The following TASOR variants were observed in gnomAD, a reference collection of about 807,000 sequenced individuals.
The protein encoded by TASOR is protein TASOR.
In TASOR, 53 loss-of-function variants were observed where a neutral mutation model predicts 178.6. The observed-to-expected ratio is 0.30, with a 90% CI of 0.24 to 0.37. The LOEUF (loss-of-function observed/expected upper bound fraction) is 0.37, where lower values mean the gene tolerates loss of function less well. Among genes scored for constraint, TASOR ranks in the 10% least tolerant of loss-of-function variants. The probability of loss-of-function intolerance (pLI) is 1.00; values close to 1 mark genes in which losing one functional copy is unlikely to be tolerated. For missense variants in TASOR, 1,815 were observed against 1,971.4 expected (o/e 0.92, Z 1.50); for synonymous variants, 713 against 696.2 (o/e 1.02, Z -0.38).
chr3:56,626,386 T>C (rs1386964075), intron 21 of TASOR, among the ~76,000 whole-genome samples: 1 of 152,210 alleles, frequency 6.6e-6, no homozygotes, highest in Non-Finnish European at 1.5e-5. Context: ...TTTTATTAGC[T>C]ACCTATAAAG....
At chr3:56,676,927 A>G (rs915008417) in intron 1 of TASOR, among the ~76,000 whole-genome samples, 3 of 152,376 alleles carry the variant, frequency 2.0e-5, no homozygotes, top group Middle Eastern at 6.8e-3. Flanking sequence ...TTAACAATAA[A>G]TATCTGTATC....
rs960381646 is a variant in TASOR, at chr3:56,683,240, C to T, written c.-234G>A. 1.1e-5 allele frequency: 5 copies of T among 441,426 alleles called. No homozygotes were observed. The highest frequency in any genetic ancestry group is 5.6e-5 in the South Asian group (1 of 18,004). The allele number at this position is 441,426 out of a possible 1,614,324, so 27.3% of individuals were successfully genotyped here. On this transcript the variant is annotated 5_prime_UTR_variant, in exon 1 of 24. Transcript: ENST00000683822. ...CTCCTCCCTCGGGCAGTTCTTCTGC[C>T]TTCCCCCGCCACTCAACGTGCGCGC...
chr3:56,649,165 T>A (rs1047958499), intron 11 of TASOR, 108 bp from the exon 12 acceptor site: 25 of 685,424 alleles, frequency 3.6e-5, no homozygotes, highest in Non-Finnish European at 5.2e-5. Flanking sequence ...TTCTTAATCA[T>A]CTTTTAAGAA....
chr3:56,650,215 T>C (rs2077321425), intron 11 of TASOR, among the ~76,000 whole-genome samples: 2 of 152,236 alleles, frequency 1.3e-5, no homozygotes, highest in Non-Finnish European at 2.9e-5. Flanking sequence ...AAATTCCTAC[T>C]AAAACAATTC....
intron 11 of TASOR, among the ~76,000 whole-genome samples, chr3:56,654,403 T>TGGGGGGGGGGGGGGG (rs1559838476): frequency 7.9e-6 from 1 of 127,312 alleles, no homozygotes; most frequent in African/African-American, 2.9e-5. Context: ...TGGGCGGGGT[T>TGGGGGGGGGGGGGGG]GGGGGGTGGT....
intron 18 of TASOR, among the ~76,000 whole-genome samples, chr3:56,632,474 CAAA>C (rs35002030): frequency 2.1e-5 from 3 of 145,452 alleles, no homozygotes; most frequent in African/African-American, 5.0e-5. Context: ...GACTCTGTCT[CAAA>C]AAAAAAAACA....
intron 11 of TASOR, among the ~76,000 whole-genome samples, chr3:56,657,767 C>A (rs75575119): frequency 0.012 from 1,794 of 152,262 alleles, 20 homozygotes; most frequent in Middle Eastern, 0.061. Flanking sequence ...AAACAAATGG[C>A]TCCTGAAGCG....
In TASOR at chr3:56,622,632, T is replaced by G. The variant is rs2076712839; in HGVS notation, c.*405A>C. On this transcript the variant is annotated 3_prime_UTR_variant, in exon 24 of 24. Coordinates refer to ENST00000683822, the MANE Select transcript of TASOR (RefSeq NM_001365635.2). ...AACACTGCTATTACTGACTTATACC[T>G]GTGTAAACACAGTATACAAAAGCCT... is the stretch of plus-strand genomic sequence containing the variant. The G allele has an allele frequency of 6.5e-6, 1 of 153,688 alleles. No homozygotes were observed. The highest frequency in any genetic ancestry group is 1.5e-5 in the Non-Finnish European group (1 of 68,808). The allele number at this position is 153,688 out of a possible 1,614,324, so 9.5% of individuals were successfully genotyped here.
In TASOR at chr3:56,627,710, G is replaced by A. The variant is rs2076828581; in HGVS notation, c.3902C>T (p.Pro1301Leu). 1.2e-6 allele frequency: 2 copies of A among 1,613,922 alleles called. No homozygotes were observed. The highest frequency in any genetic ancestry group is 1.3e-5 in the African/African-American group (1 of 74,982). Residue 1301 changes from proline to leucine, a missense_variant, in exon 20 of 24, where the codon CCC becomes CTC. Transcript: ENST00000683822. ...ATCAACACCAGCAAAACTAACACAG[G>A]GGAGCTTCTTTAAAGTCACCAAGCC... The part of the protein sequence containing the change: ...IPGLVTLKKL[P>L]CVSFAGVDSL...
chr3:56,671,764 T>C, intron 2 of TASOR, 72 bp from the exon 3 acceptor site: 1 of 1,230,618 alleles, frequency 8.1e-7, no homozygotes, highest in Non-Finnish European at 1.1e-6. Context: ...TTTTATTTTT[T>C]TTTCCAAGAA....
chr3:56,627,154 G>A lies in TASOR; in HGVS notation c.4031-9C>T, dbSNP rs756856939. 11 of 1,481,040 alleles carry A rather than the reference G, an allele frequency of 7.4e-6. No homozygotes were observed. In the South Asian group the frequency reaches 1.3e-4, roughly 18 times the overall value. 91.7% of individuals were successfully genotyped at this position (1,481,040 alleles called of 1,614,324 possible). ...AAAATTTTTAAGGTTCTCTGTTAGA[G>A]ATAATGAAGTTTGTTTTTAATTCAA... On this transcript the variant is annotated splice_polypyrimidine_tract_variant and intron_variant, in intron 20 of 23. Coordinates refer to ENST00000683822, the MANE Select transcript of TASOR (RefSeq NM_001365635.2).
rs1277150746 is a variant in TASOR at position 56,624,724 on chromosome 3, A to G, written c.4319-81T>C. On this transcript the variant is annotated intron_variant, in intron 22 of 23. Coordinates refer to ENST00000683822, the MANE Select transcript of TASOR (RefSeq NM_001365635.2). ...TAGCCCTCACAAAATCTTTTCCTTC[A>G]CATTTTCAGAATCAAAGCTTAGCAA... 4 of 1,544,748 alleles carry G rather than the reference A, an allele frequency of 2.6e-6. No homozygotes were observed. In the African/African-American group the frequency reaches 5.5e-5, roughly 21 times the overall value.
At chr3:56,665,865 G>A (rs542651106) in intron 7 of TASOR, among the ~76,000 whole-genome samples, 1 of 152,094 alleles carries the variant, frequency 6.6e-6, no homozygotes, top group African/African-American at 2.4e-5. Context: ...CCAGCTACTC[G>A]GGAGGCTGAG....
intron 14 of TASOR, 113 bp from the exon 15 acceptor site, chr3:56,641,865 C>A: frequency 2.8e-6 from 3 of 1,089,456 alleles, no homozygotes; most frequent in African/African-American, 1.6e-5. Flanking sequence ...GGAACTCAAC[C>A]AATTTGCTTA....
Position 56,669,789 on chromosome 3 carries a change from C to T in TASOR, c.646G>A (p.Val216Ile). The T allele has an allele frequency of 6.5e-7, 1 of 1,534,418 alleles. No individual in the cohort carries two copies. Among genetic ancestry groups the T allele is most frequent in the Non-Finnish European group, 8.8e-7 (1 of 1,140,766 alleles). ...ITILGSPSMG[V>I]YLSRYADLLQ... Reference sequence around the variant, plus strand: ...AAATCAGCATACCTAGAAAGATAGACACCTAGAAAAGACGGAAAAATTAAG... The same window carrying T: ...AAATCAGCATACCTAGAAAGATAGATACCTAGAAAAGACGGAAAAATTAAG... Residue 216 changes from valine to isoleucine, a missense_variant and splice_region_variant, in exon 5 of 24, where the codon GTC becomes ATC. Transcript: ENST00000683822.
intron 17 of TASOR, among the ~76,000 whole-genome samples, chr3:56,636,460 AG>A (rs2077019787): frequency 6.7e-6 from 1 of 149,164 alleles, no homozygotes. Flanking sequence ...GCTGGAGTGC[AG>A]TGGTGAGATC....
At position 56,668,378 on chromosome 3, in the gene TASOR, A is replaced by C; in HGVS notation, c.897+19T>G. On this transcript the variant is annotated intron_variant, in intron 6 of 23. Coordinates refer to ENST00000683822, the MANE Select transcript of TASOR (RefSeq NM_001365635.2). ...AACAGGTATGAGATCACAACATTAC[A>C]ACGGATCCTGGAACCTACCTGAGTA... The C allele has an allele frequency of 6.5e-7, 1 of 1,549,370 alleles. No individual in the cohort carries two copies. Among genetic ancestry groups the C allele is most frequent in the Non-Finnish European group, 8.7e-7 (1 of 1,145,996 alleles).
chr3:56,627,550 G>A (rs1368239110), intron 20 of TASOR, 32 bp downstream of exon 20: 8 of 1,609,252 alleles, frequency 5.0e-6, no homozygotes, highest in South Asian at 2.2e-5. Flanking sequence ...AGTCAGAAGA[G>A]GAGTTACGTG....
intron 11 of TASOR, among the ~76,000 whole-genome samples, chr3:56,657,525 G>C (rs1325163072): frequency 6.6e-6 from 1 of 152,068 alleles, no homozygotes; most frequent in Non-Finnish European, 1.5e-5. Context: ...CATACCTTAA[G>C]ATTTAGATCT....
Sources: gnomAD v4.1 joint callset for allele counts (sites outside exome capture counted in the v4.1 genomes callset) on GRCh38, gnomAD v4.1.1 for gene constraint, MANE v1.5 for transcripts, NCBI Gene and HGNC (gene_info 2026-07-23, HGNC 2026-07-21) for gene names.